The following TAFA1 variants were observed in gnomAD, a reference collection of about 807,000 sequenced individuals.
TAFA1 encodes the protein chemokine-like protein TAFA-1.
Under a neutral mutation model 18.5 loss-of-function variants are expected in TAFA1, and 4 were observed. That is an observed-to-expected ratio of 0.22 (90% confidence interval 0.11 to 0.49). The LOEUF (loss-of-function observed/expected upper bound fraction) is 0.49, where lower values mean the gene tolerates loss of function less well. Ranked by LOEUF, TAFA1 falls within the 20% of genes least tolerant of loss-of-function variation. The probability of loss-of-function intolerance (pLI) is 0.98; values close to 1 mark genes in which losing one functional copy is unlikely to be tolerated. For synonymous variants in TAFA1, 56 were observed against 55.2 expected, an observed-to-expected ratio of 1.01 and a Z score of -0.06; for missense variants, 147 against 169.0, an observed-to-expected ratio of 0.87 and a Z score of 0.72.
chr3:68,425,987 C>A lies in TAFA1; in HGVS notation c.259+8567C>A, dbSNP rs528023730. ...TTAAAGGCAATGGAATATGTGGTAA[C>A]AAGCTCATACAGTCGTTTCCTACTA... On this transcript the variant is annotated intron_variant, in intron 3 of 4. Transcript: ENST00000478136. Among the ~76,000 whole-genome samples the A allele has an allele frequency of 3.6e-4, 54 of 151,912 alleles. 1 individual carries two copies. In the South Asian group the frequency reaches 0.01, roughly 29 times the overall value.
chr3:68,209,568 T>G (rs1272160991), intron 2 of TAFA1, among the ~76,000 whole-genome samples: 6 of 152,098 alleles, frequency 3.9e-5, no homozygotes, highest in African/African-American at 1.4e-4. Flanking sequence ...GTCTCCCACA[T>G]GCATTATTAC....
intron 2 of TAFA1, among the ~76,000 whole-genome samples, chr3:68,022,264 A>T (rs866755198): frequency 3.9e-5 from 6 of 152,310 alleles, no homozygotes; most frequent in Middle Eastern, 3.4e-3. Flanking sequence ...TTATTCATCA[A>T]CAGGAAACAA....
chr3:68,105,667 T>C (rs1220907897), intron 2 of TAFA1, among the ~76,000 whole-genome samples: 1 of 152,160 alleles, frequency 6.6e-6, no homozygotes, highest in African/African-American at 2.4e-5. Flanking sequence ...GAGAAATAAC[T>C]ATTTTCTGCT....
At chr3:68,279,948 G>T (rs2067869744) in intron 2 of TAFA1, among the ~76,000 whole-genome samples, 1 of 152,078 alleles carries the variant, frequency 6.6e-6, no homozygotes, top group Non-Finnish European at 1.5e-5. Flanking sequence ...GTAATATGCT[G>T]ATTGGAGTCT....
intron 2 of TAFA1, among the ~76,000 whole-genome samples, chr3:68,376,730 C>G (rs970654711): frequency 3.3e-5 from 5 of 152,236 alleles, no homozygotes; most frequent in African/African-American, 9.6e-5. Flanking sequence ...GTGCATGTGT[C>G]TTTGTGATAG....
intron 2 of TAFA1, among the ~76,000 whole-genome samples, chr3:68,267,495 G>A (rs977452008): frequency 6.6e-6 from 1 of 152,148 alleles, no homozygotes; most frequent in Non-Finnish European, 1.5e-5. Flanking sequence ...TGTGTACCTA[G>A]TGATCCCAAG....
intron 3 of TAFA1, among the ~76,000 whole-genome samples, chr3:68,501,551 T>C (rs1332407351): frequency 1.3e-5 from 2 of 152,216 alleles, no homozygotes; most frequent in Admixed American, 6.5e-5. Context: ...AAATTATGTT[T>C]GTTTACCAAA....
At chr3:68,527,790 T>G (rs2106765908) in intron 3 of TAFA1, among the ~76,000 whole-genome samples, 1 of 152,206 alleles carries the variant, frequency 6.6e-6, no homozygotes, top group South Asian at 2.1e-4. Flanking sequence ...AAAAATAACT[T>G]TTGTCTCAAA....
chr3:68,423,421 T>A (rs1486051612), intron 3 of TAFA1, among the ~76,000 whole-genome samples: 1 of 152,120 alleles, frequency 6.6e-6, no homozygotes, highest in Admixed American at 6.6e-5. Context: ...TCAGGGCTCA[T>A]CATTCATCAA....
In TAFA1 at chr3:68,486,072, T is replaced by TTTTTATTTTATTTTATTTTA. The variant is rs1438865835; in HGVS notation, c.260-52674_260-52655dup. Reference sequence around the variant, plus strand: ...GCCTCCATTCCTGGCTAAATTTTTATTTTTATTTTATTTTATTTTATTTTA... The same window carrying TTTTTATTTTATTTTATTTTA: ...GCCTCCATTCCTGGCTAAATTTTTATTTTTATTTTATTTTATTTTATTTTATTTTATTTTATTTTATTTTA... On this transcript the variant is annotated intron_variant, in intron 3 of 4. Transcript: ENST00000478136. Among the ~76,000 whole-genome samples, 261 of 127,552 alleles carry TTTTTATTTTATTTTATTTTA rather than the reference T, an allele frequency of 2.0e-3. 7 individuals are homozygous for TTTTTATTTTATTTTATTTTA. The highest frequency in any genetic ancestry group is 7.6e-3 in the African/African-American group (247 of 32,372). The allele number at this position is 127,552 out of a possible 152,430, so 83.7% of individuals were successfully genotyped here.
chr3:68,278,926 G>T (rs1427480221), intron 2 of TAFA1, among the ~76,000 whole-genome samples: 1 of 152,148 alleles, frequency 6.6e-6, no homozygotes, highest in African/African-American at 2.4e-5. Context: ...AAATTTTAAT[G>T]TATATATGAA....
intron 2 of TAFA1, among the ~76,000 whole-genome samples, chr3:68,212,276 G>T (rs2066606830): frequency 6.6e-6 from 1 of 151,622 alleles, no homozygotes; most frequent in African/African-American, 2.4e-5. Context: ...GGAGAGGAGA[G>T]GGGTAAGAGA....
chr3:68,105,847 A>C (rs1242388353), intron 2 of TAFA1, among the ~76,000 whole-genome samples: 14 of 152,048 alleles, frequency 9.2e-5, no homozygotes, highest in Admixed American at 9.2e-4. Context: ...CCCTATGTAA[A>C]CCAGGCCTAA....
Position 68,234,232 on chromosome 3 carries a change from G to T in TAFA1, c.119-183048G>T, listed in dbSNP as rs1427406764. ...TGGCAGGTGTTTGGAAACTGCATTT[G>T]GAATTGGCCTCCTACAGAAAGAAGC... On this transcript the variant is annotated intron_variant, in intron 2 of 4. Coordinates refer to ENST00000478136, the MANE Select transcript of TAFA1 (RefSeq NM_213609.4). Among the ~76,000 whole-genome samples the T allele has an allele frequency of 2.0e-5, 3 of 152,126 alleles. No individual in the cohort carries two copies. The East Asian group carries it at 5.8e-4, about 29-fold the overall frequency.
chr3:68,028,858 A>T (rs1704873790), intron 2 of TAFA1, among the ~76,000 whole-genome samples: 1 of 151,708 alleles, frequency 6.6e-6, no homozygotes, highest in Non-Finnish European at 1.5e-5. Flanking sequence ...GGCTCAGGTG[A>T]TTCTTTCTCC....
intron 2 of TAFA1, among the ~76,000 whole-genome samples, chr3:68,234,853 C>T (rs2066910247): frequency 6.6e-6 from 1 of 152,174 alleles, no homozygotes; most frequent in Non-Finnish European, 1.5e-5. Flanking sequence ...GAGCAGGTGA[C>T]TTTTGATTCA....
intron 2 of TAFA1, among the ~76,000 whole-genome samples, chr3:68,112,363 A>C (rs912250400): frequency 3.3e-5 from 5 of 152,218 alleles, no homozygotes; most frequent in Non-Finnish European, 7.3e-5. Flanking sequence ...TTTTAAGGGT[A>C]ATGTGCCACA....
chr3:68,190,936 C>G (rs140299373), intron 2 of TAFA1, among the ~76,000 whole-genome samples: 67 of 151,888 alleles, frequency 4.4e-4, no homozygotes, highest in Non-Finnish European at 6.0e-4. Context: ...ATACCTCTCA[C>G]CCCACATTGA....
At chr3:68,364,317 G>C (rs2069526957) in intron 2 of TAFA1, among the ~76,000 whole-genome samples, 1 of 152,136 alleles carries the variant, frequency 6.6e-6, no homozygotes, top group South Asian at 2.1e-4. Flanking sequence ...GCACTTACCA[G>C]GTACTTTTGG....
Sources: allele counts gnomAD v4.1 joint callset (sites outside exome capture counted in the v4.1 genomes callset), GRCh38; gene constraint gnomAD v4.1.1; transcripts MANE v1.5; gene names NCBI Gene and HGNC (gene_info 2026-07-23, HGNC 2026-07-21).